The following VPS35L variants were observed in gnomAD, a reference collection of about 807,000 sequenced individuals.
The protein encoded by VPS35L is VPS35 endosomal protein sorting factor like, also known as VPS35 endosomal protein-sorting factor-like.
A neutral mutation model predicts 133.0 loss-of-function variants in VPS35L; 83 were observed. The observed-to-expected ratio is 0.62, with a 90% CI of 0.52 to 0.75. VPS35L has a LOEUF of 0.75. Ranked by LOEUF, VPS35L falls within the 30% of genes least tolerant of loss-of-function variation. The pLI is 0.00. For missense variants in VPS35L, 1,083 were observed against 1,206.8 expected (o/e 0.90, Z 1.52); for synonymous variants, 423 against 449.9 (o/e 0.94, Z 0.76).
chr16:19,569,193 AT>A, intron 2 of VPS35L: 1 of 687,572 alleles, frequency 1.5e-6, no homozygotes, highest in Non-Finnish European at 2.6e-6. Flanking sequence ...CTCTCAATTA[AT>A]TTTTTTAACA....
intron 28 of VPS35L, among the ~76,000 whole-genome samples, chr16:19,688,331 G>T (rs945031277): frequency 2.0e-5 from 3 of 152,122 alleles, no homozygotes; most frequent in Admixed American, 6.5e-5. Flanking sequence ...CTTCCTACTT[G>T]TTTCCTCAAG....
intron 27 of VPS35L, among the ~76,000 whole-genome samples, chr16:19,679,988 C>T (rs1397294498): frequency 6.6e-6 from 1 of 152,206 alleles, no homozygotes; most frequent in Admixed American, 6.5e-5. Context: ...ATGTATGCCT[C>T]CCCCTGTTCA....
At chr16:19,687,054 C>T (rs1975487625) in intron 28 of VPS35L, among the ~76,000 whole-genome samples, 1 of 152,210 alleles carries the variant, frequency 6.6e-6, no homozygotes, top group Non-Finnish European at 1.5e-5. Context: ...TGTCTCCTCA[C>T]AGACTGTGAC....
rs1474996892 is a variant in VPS35L at position 19,564,963 on chromosome 16, A to G, written c.117+13A>G. On this transcript the variant is annotated intron_variant, in intron 2 of 30. Transcript: ENST00000417362. ...GAAACCCATAACTGTAAGTTTTGTT[A>G]AGGGTCTTTCTGAATGATATTCTTA... is the stretch of plus-strand genomic sequence containing the variant. The G allele has an allele frequency of 3.8e-6, 6 of 1,559,790 alleles. No individual in the cohort carries two copies. The highest frequency in any genetic ancestry group is 5.3e-6 in the Non-Finnish European group (6 of 1,131,326).
intron 18 of VPS35L, among the ~76,000 whole-genome samples, chr16:19,631,584 C>G (rs1973457641): frequency 6.6e-6 from 1 of 152,166 alleles, no homozygotes; most frequent in Non-Finnish European, 1.5e-5. Flanking sequence ...CAATTTATGA[C>G]AGATCTTGTT....
intron 6 of VPS35L, chr16:19,579,434 G>T (rs563499819): frequency 3.1e-4 from 69 of 221,670 alleles, no homozygotes; most frequent in Non-Finnish European, 4.8e-4. Context: ...GGTGGCTCAC[G>T]CCTGTAATCC....
intron 24 of VPS35L, among the ~76,000 whole-genome samples, chr16:19,649,385 T>G (rs1480913904): frequency 6.6e-6 from 1 of 152,246 alleles, no homozygotes; most frequent in African/African-American, 2.4e-5. Context: ...GTGATGCTAT[T>G]CTTATTTCTT....
chr16:19,654,878 A>G (rs1974249829), intron 26 of VPS35L, among the ~76,000 whole-genome samples: 2 of 152,196 alleles, frequency 1.3e-5, no homozygotes, highest in Admixed American at 1.3e-4. Flanking sequence ...AATCAGGACC[A>G]TGGATCTGAA....
Position 19,610,396 on chromosome 16 carries a change from C to T in VPS35L, c.1004C>T (p.Ala335Val), listed in dbSNP as rs757859268. 1 of 1,613,906 alleles carries T rather than the reference C, an allele frequency of 6.2e-7. No homozygotes were observed. The highest frequency in any genetic ancestry group is 8.5e-7 in the Non-Finnish European group (1 of 1,179,926). Residue 335 changes from alanine (A) to valine (V), a missense_variant, in exon 12 of 31, where the codon GCC becomes GTC. By Grantham distance (64) the Ala-to-Val change is moderately conservative. Transcript: ENST00000417362. ...GGAGACCCACTAGTGTCGGTGTATG[C>T]CCGTGCCTACCTGTGCCGGGTAGGC... ...GIGDPLVSVYARAYLCRVGME... is the reference protein window; with the variant it reads ...GIGDPLVSVYVRAYLCRVGME...
At chr16:19,588,779 G>T (rs1433336957) in intron 7 of VPS35L, among the ~76,000 whole-genome samples, 2 of 152,130 alleles carry the variant, frequency 1.3e-5, no homozygotes, top group Non-Finnish European at 2.9e-5. Context: ...CCCATGTAAA[G>T]CTTTTCTCTA....
rs138672356 is a variant in VPS35L at position 19,676,726 on chromosome 16, A to G, written c.2362-5499A>G. 2.4e-3 allele frequency among the ~76,000 whole-genome samples: 361 copies of G among 152,330 alleles called. 2 individuals are homozygous for G. Among genetic ancestry groups the G allele is most frequent in the African/African-American group, 8.0e-3 (332 of 41,582 alleles). Reference sequence around the variant, plus strand: ...AAGTTGTCCAGGTCTATGTTTCATCATTCCGTCTATTCCACAAACATTTGT... The same window carrying G: ...AAGTTGTCCAGGTCTATGTTTCATCGTTCCGTCTATTCCACAAACATTTGT... On this transcript the variant is annotated intron_variant, in intron 27 of 30. Transcript: ENST00000417362.
intron 8 of VPS35L, among the ~76,000 whole-genome samples, chr16:19,592,921 A>G (rs1972090741): frequency 6.6e-6 from 1 of 151,936 alleles, no homozygotes; most frequent in African/African-American, 2.4e-5. Context: ...CCTGACCTCA[A>G]GTGATCTGCC....
intron 17 of VPS35L, 57 bp downstream of exon 17, chr16:19,628,810 G>C (rs1185017277): frequency 1.4e-6 from 1 of 698,222 alleles, no homozygotes; most frequent in African/African-American, 2.1e-5. Flanking sequence ...TATTTATTTT[G>C]AGATGAAGTC....
At position 19,628,621 on chromosome 16, in the gene VPS35L, T is replaced by G. The variant is rs1973344364; in HGVS notation, c.1384-16T>G. On this transcript the variant is annotated splice_polypyrimidine_tract_variant and intron_variant, in intron 16 of 30. Transcript: ENST00000417362. ...TTTAAAATTTCCATAACATGATGGT[T>G]TGACATGTTTCTTAGCATCTTCTTT... 1 of 1,385,890 alleles carries G rather than the reference T, an allele frequency of 7.2e-7. No individual in the cohort carries two copies. The highest frequency in any genetic ancestry group is 2.3e-5 in the East Asian group (1 of 43,228). 85.8% of individuals were successfully genotyped at this position (1,385,890 alleles called of 1,614,324 possible).
At chr16:19,656,263 C>CAAAAAAAAAAAAAAAAA in intron 26 of VPS35L, among the ~76,000 whole-genome samples, 1 of 81,140 alleles carries the variant, frequency 1.2e-5, no homozygotes, top group Non-Finnish European at 2.5e-5. Context: ...GACTCTGTCT[C>CAAAAAAAAAAAAAAAAA]AAAAAAAAAA....
At chr16:19,653,962 C>G (rs957771908) in intron 26 of VPS35L, among the ~76,000 whole-genome samples, 3 of 152,138 alleles carry the variant, frequency 2.0e-5, no homozygotes, top group African/African-American at 7.2e-5. Context: ...TTGATTTCCC[C>G]TGTGAGCTGG....
intron 12 of VPS35L, among the ~76,000 whole-genome samples, chr16:19,615,522 T>C (rs1381647603): frequency 1.3e-5 from 2 of 152,086 alleles, no homozygotes; most frequent in Non-Finnish European, 2.9e-5. Context: ...TCGTGACACA[T>C]GCCTGTAATC....
chr16:19,672,066 C>A (rs1974894972), intron 27 of VPS35L, among the ~76,000 whole-genome samples: 1 of 152,188 alleles, frequency 6.6e-6, no homozygotes, highest in South Asian at 2.1e-4. Flanking sequence ...CTGCCTCAGC[C>A]TCCCAAGTAG....
chr16:19,616,723 A>G lies in VPS35L; in HGVS notation c.1139A>G (p.Gln380Arg). 1 of 1,614,060 alleles carries G rather than the reference A, an allele frequency of 6.2e-7. No homozygotes were observed. Among genetic ancestry groups the G allele is most frequent in the Admixed American group, 1.7e-5 (1 of 60,014 alleles). Reference sequence around the variant, plus strand: ...ACGGTCCAGAACCAGCTGGTGGTCCAAGGAGTGGAGCTCCCATCTTACCTC... The same window carrying G: ...ACGGTCCAGAACCAGCTGGTGGTCCGAGGAGTGGAGCTCCCATCTTACCTC... ...GDTVQNQLVV[Q>R]GVELPSYLPL... Residue 380 changes from glutamine (Q) to arginine (R), a missense_variant, in exon 14 of 31, where the codon CAA becomes CGA. Gln to Arg is a conservative substitution (Grantham distance 43, BLOSUM62 1). Coordinates refer to ENST00000417362, the MANE Select transcript of VPS35L (RefSeq NM_020314.7).
Sources: gnomAD v4.1 joint callset for allele counts (sites outside exome capture counted in the v4.1 genomes callset) on GRCh38, gnomAD v4.1.1 for gene constraint, MANE v1.5 for transcripts, NCBI Gene and HGNC (gene_info 2026-07-23, HGNC 2026-07-21) for gene names.